NUDCD1: variants seen among roughly 807,000 people sequenced by gnomAD.
The protein encoded by NUDCD1 is nudC domain-containing protein 1.
In NUDCD1, 60 loss-of-function variants were observed where a neutral mutation model predicts 67.8. That is an observed-to-expected ratio of 0.88 (90% confidence interval 0.72 to 1.10). NUDCD1 has a LOEUF of 1.10. Ranked by LOEUF, NUDCD1 falls within the 50% of genes least tolerant of loss-of-function variation. The probability of loss-of-function intolerance (pLI) is 0.00; values close to 1 mark genes in which losing one functional copy is unlikely to be tolerated. For missense variants in NUDCD1, 643 were observed against 695.0 expected, an observed-to-expected ratio of 0.93 and a Z score of 0.84; for synonymous variants, 244 against 230.8, an observed-to-expected ratio of 1.06 and a Z score of -0.52.
At chr8:109,300,048 A>AG (rs1478443645) in intron 2 of NUDCD1, among the ~76,000 whole-genome samples, 2 of 152,192 alleles carry the variant, frequency 1.3e-5, no homozygotes, top group South Asian at 2.1e-4. Context: ...CCATAGGAAA[A>AG]GGGGGAGACT....
At chr8:109,253,307 G>C (rs1218298543) in intron 8 of NUDCD1, among the ~76,000 whole-genome samples, 1 of 152,164 alleles carries the variant, frequency 6.6e-6, no homozygotes, top group African/African-American at 2.4e-5. Flanking sequence ...AGAAAGGAAA[G>C]GAGTGATCAA....
chr8:109,263,370 G>A (rs1311994287), intron 8 of NUDCD1, among the ~76,000 whole-genome samples: 1 of 152,124 alleles, frequency 6.6e-6, no homozygotes, highest in Non-Finnish European at 1.5e-5. Context: ...TTTCTCTCCT[G>A]TAATACAGCC....
chr8:109,271,589 G>A (rs1237796413), intron 7 of NUDCD1, among the ~76,000 whole-genome samples: 1 of 152,068 alleles, frequency 6.6e-6, no homozygotes, highest in Non-Finnish European at 1.5e-5. Flanking sequence ...AATATCAAAT[G>A]GTCTAGCATA....
intron 8 of NUDCD1, among the ~76,000 whole-genome samples, chr8:109,270,790 GCA>G (rs1470826707): frequency 6.6e-6 from 1 of 151,744 alleles, no homozygotes; most frequent in Non-Finnish European, 1.5e-5. Flanking sequence ...GTCCAGAAAA[GCA>G]CCACTTGAAA....
At chr8:109,296,858 T>C (rs1201470222) in intron 2 of NUDCD1, among the ~76,000 whole-genome samples, 2 of 152,252 alleles carry the variant, frequency 1.3e-5, no homozygotes, top group African/African-American at 2.4e-5. Context: ...GCTATGAATA[T>C]GCTTAAGGTA....
At chr8:109,295,598 T>C (rs1366729106) in intron 3 of NUDCD1, among the ~76,000 whole-genome samples, 2 of 152,168 alleles carry the variant, frequency 1.3e-5, no homozygotes, top group African/African-American at 2.4e-5. Flanking sequence ...AATTAAAGCC[T>C]GGTCTCTGTA....
chr8:109,275,551 CA>C, intron 6 of NUDCD1, 55 bp from the exon 7 acceptor site: 2 of 1,442,924 alleles, frequency 1.4e-6, no homozygotes, highest in Non-Finnish European at 1.9e-6. Context: ...ACAAATTATA[CA>C]ATCAGTAGCA....
chr8:109,307,990 C>T (rs980552754), intron 2 of NUDCD1, among the ~76,000 whole-genome samples: 6 of 152,082 alleles, frequency 3.9e-5, no homozygotes, highest in Non-Finnish European at 5.9e-5. Context: ...ACTAATAGAT[C>T]TATGAAATGA....
chr8:109,303,577 T>C (rs990274959), intron 2 of NUDCD1, among the ~76,000 whole-genome samples: 2 of 152,166 alleles, frequency 1.3e-5, no homozygotes, highest in Non-Finnish European at 2.9e-5. Context: ...GGTTGAGACA[T>C]TTTAACTAAA....
At chr8:109,269,852 T>A (rs1814096479) in intron 8 of NUDCD1, among the ~76,000 whole-genome samples, 1 of 151,042 alleles carries the variant, frequency 6.6e-6, no homozygotes, top group African/African-American at 2.4e-5. Flanking sequence ...TGAGACACCC[T>A]GCTCACATAA....
intron 8 of NUDCD1, among the ~76,000 whole-genome samples, chr8:109,258,462 ATCTCATC>A (rs1813788345): frequency 2.0e-5 from 3 of 151,978 alleles, no homozygotes; most frequent in African/African-American, 7.2e-5. Context: ...CATAGACTTC[ATCTCATC>A]TAGTGTGTGA....
At chr8:109,278,721 T>A (rs1814357872) in intron 6 of NUDCD1, among the ~76,000 whole-genome samples, 1 of 152,232 alleles carries the variant, frequency 6.6e-6, no homozygotes, top group African/African-American at 2.4e-5. Context: ...GCTTTTTATT[T>A]ATTGCTAGCA....
At chr8:109,319,851 G>A (rs1012967959) in intron 2 of NUDCD1, among the ~76,000 whole-genome samples, 21 of 151,970 alleles carry the variant, frequency 1.4e-4, no homozygotes, top group Non-Finnish European at 2.5e-4. Flanking sequence ...CCTAAGCATC[G>A]GCCAGCTTGA....
chr8:109,277,724 A>G (rs1159343970), intron 6 of NUDCD1, among the ~76,000 whole-genome samples: 1 of 152,216 alleles, frequency 6.6e-6, no homozygotes. Flanking sequence ...TGCTGAAACT[A>G]CTTACATGAA....
rs1039782364 is a variant in NUDCD1, at chr8:109,324,065, AAAC to A, written c.119-1605_119-1603del. Reference sequence around the variant, plus strand: ...AAGACAAATGGGATTATATTTAACTAAACAACAACAACAACAAAAATACCTTCT... The same window carrying A: ...AAGACAAATGGGATTATATTTAACTAAACAACAACAACAAAAATACCTTCT... On this transcript the variant is annotated intron_variant, in intron 1 of 9. Coordinates refer to ENST00000239690, the MANE Select transcript of NUDCD1 (RefSeq NM_032869.4). 1.1e-4 allele frequency among the ~76,000 whole-genome samples: 16 copies of A among 152,170 alleles called. 1 individual carries two copies. The highest frequency in any genetic ancestry group is 8.3e-4 in the South Asian group (4 of 4,828).
intron 6 of NUDCD1, among the ~76,000 whole-genome samples, chr8:109,279,412 T>C (rs1192950412): frequency 2.0e-5 from 3 of 152,216 alleles, no homozygotes; most frequent in East Asian, 1.9e-4. Flanking sequence ...TTGTGACATG[T>C]CTATTCAAAT....
At chr8:109,263,016 A>G (rs1465136223) in intron 8 of NUDCD1, among the ~76,000 whole-genome samples, 1 of 132,548 alleles carries the variant, frequency 7.5e-6, no homozygotes, top group Non-Finnish European at 1.6e-5. Flanking sequence ...GATCGTGCCA[A>G]TGCAGTCCAG....
At chr8:109,299,857 C>A (rs750726473) in intron 2 of NUDCD1, among the ~76,000 whole-genome samples, 2 of 152,146 alleles carry the variant, frequency 1.3e-5, no homozygotes, top group Non-Finnish European at 2.9e-5. Context: ...CATTTCACCC[C>A]GCTGACACCT....
Position 109,276,854 on chromosome 8 carries a change from G to A in NUDCD1, c.1029-1358C>T, listed in dbSNP as rs186431565. ...ATATTTGTATTTTTAGTAGAGACAGGGTTTTGTCATGTTGGCCAGGCTGAT... is the reference window on the plus strand; with the variant it reads ...ATATTTGTATTTTTAGTAGAGACAGAGTTTTGTCATGTTGGCCAGGCTGAT... On this transcript the variant is annotated intron_variant, in intron 6 of 9. Coordinates refer to ENST00000239690, the MANE Select transcript of NUDCD1 (RefSeq NM_032869.4). Among the ~76,000 whole-genome samples, 795 of 152,102 alleles carry A rather than the reference G, an allele frequency of 5.2e-3. 8 individuals are homozygous for A. Among genetic ancestry groups the A allele is most frequent in the African/African-American group, 0.018 (765 of 41,492 alleles).
Sources: allele counts gnomAD v4.1 joint callset (sites outside exome capture counted in the v4.1 genomes callset), GRCh38; gene constraint gnomAD v4.1.1; transcripts MANE v1.5; gene names NCBI Gene and HGNC (gene_info 2026-07-23, HGNC 2026-07-21).